The following KCMF1 variants were observed in gnomAD, a reference collection of about 807,000 sequenced individuals.
KCMF1 encodes E3 ubiquitin-protein ligase KCMF1.
KCMF1 carries 3 observed loss-of-function variants against 41.1 expected under a neutral mutation model. The observed-to-expected ratio is 0.07, with a 90% CI of 0.03 to 0.19. The LOEUF (loss-of-function observed/expected upper bound fraction) is 0.19. Among genes scored for constraint, KCMF1 ranks in the 10% least tolerant of loss-of-function variants. The pLI, the probability that KCMF1 is intolerant of heterozygous loss-of-function variation, is 1.00. For synonymous variants in KCMF1, 142 were observed against 164.5 expected, an observed-to-expected ratio of 0.86 and a Z score of 1.04; for missense variants, 286 against 488.9, an observed-to-expected ratio of 0.58 and a Z score of 3.91.
chr2:85,030,090 A>T (rs1188124816), intron 2 of KCMF1, among the ~76,000 whole-genome samples: 1 of 152,128 alleles, frequency 6.6e-6, no homozygotes, highest in Non-Finnish European at 1.5e-5. Context: ...ATTTCTCTGA[A>T]ATATAAATTA....
At chr2:85,001,218 C>T (rs752294806) in intron 1 of KCMF1, among the ~76,000 whole-genome samples, 2 of 151,772 alleles carry the variant, frequency 1.3e-5, no homozygotes, top group Non-Finnish European at 2.9e-5. Flanking sequence ...AGTGCAGTGG[C>T]GTGATCTTGG....
At chr2:85,024,780 G>A (rs1378158240) in intron 1 of KCMF1, among the ~76,000 whole-genome samples, 1 of 152,014 alleles carries the variant, frequency 6.6e-6, no homozygotes, top group East Asian at 1.9e-4. Context: ...ATCCAATTCT[G>A]TTTTCCCCAC....
At chr2:85,042,736 G>A (rs1426782951) in intron 3 of KCMF1, among the ~76,000 whole-genome samples, 1 of 152,132 alleles carries the variant, frequency 6.6e-6, no homozygotes, top group Non-Finnish European at 1.5e-5. Flanking sequence ...GGAAGAGTAA[G>A]GGCCTTTCCT....
chr2:85,002,334 G>A (rs975218646), intron 1 of KCMF1, among the ~76,000 whole-genome samples: 16 of 152,128 alleles, frequency 1.1e-4, no homozygotes, highest in African/African-American at 3.6e-4. Context: ...TGACCATAAC[G>A]CATGCATTGA....
At chr2:84,977,786 A>G (rs1673587803) in intron 1 of KCMF1, among the ~76,000 whole-genome samples, 1 of 152,080 alleles carries the variant, frequency 6.6e-6, no homozygotes, top group African/African-American at 2.4e-5. Flanking sequence ...ATATATAAGA[A>G]TGTAAATTTA....
chr2:85,040,085 C>T (rs1298325103), intron 3 of KCMF1, among the ~76,000 whole-genome samples: 1 of 151,992 alleles, frequency 6.6e-6, no homozygotes, highest in African/African-American at 2.4e-5. Context: ...CAAAGTGCTG[C>T]GATTGTAGGC....
At chr2:84,997,956 A>C (rs559917283) in intron 1 of KCMF1, among the ~76,000 whole-genome samples, 3 of 150,688 alleles carry the variant, frequency 2.0e-5, no homozygotes, top group Admixed American at 6.6e-5. Flanking sequence ...TATTTTTAGT[A>C]GAGACAGGGT....
At chr2:85,022,875 C>A (rs532218854) in intron 1 of KCMF1, among the ~76,000 whole-genome samples, 12 of 146,542 alleles carry the variant, frequency 8.2e-5, no homozygotes, top group African/African-American at 3.0e-4. Context: ...CAACTTTATA[C>A]TGTATGTATT....
At position 85,057,847 on chromosome 2, in the gene KCMF1, A is replaced by T. The variant is rs1186010045; in HGVS notation, c.*4438A>T. 6.6e-6 allele frequency: 1 copy of T among 152,228 alleles called. No homozygotes were observed. The highest frequency in any genetic ancestry group is 1.5e-5 in the Non-Finnish European group (1 of 68,042). 9.4% of individuals were successfully genotyped at this position (152,228 alleles called of 1,614,324 possible). On this transcript the variant is annotated 3_prime_UTR_variant, in exon 7 of 7. Coordinates refer to ENST00000409785, the MANE Select transcript of KCMF1 (RefSeq NM_020122.5). ...AAGACGATTCGTCTCAGAGAAGTTG[A>T]TCCTGAACCTCCACGTCACATTTTA... is the stretch of plus-strand genomic sequence containing the variant.
intron 3 of KCMF1, among the ~76,000 whole-genome samples, chr2:85,040,487 C>T (rs1675502006): frequency 6.6e-6 from 1 of 152,204 alleles, no homozygotes; most frequent in African/African-American, 2.4e-5. Flanking sequence ...TCCATTTCTC[C>T]TGCCCCGCTT....
chr2:85,010,625 AT>A (rs1674629255), intron 1 of KCMF1, among the ~76,000 whole-genome samples: 1 of 152,172 alleles, frequency 6.6e-6, no homozygotes, highest in Non-Finnish European at 1.5e-5. Flanking sequence ...TTTTAGTTTA[AT>A]TTTAGCAGAT....
rs116824238 is a variant in KCMF1 at position 85,048,650 on chromosome 2, A to T, written c.602-716A>T. 9.8e-3 allele frequency among the ~76,000 whole-genome samples: 1,487 copies of T among 152,322 alleles called. 26 individuals are homozygous for T. The highest frequency in any genetic ancestry group is 0.034 in the African/African-American group (1,396 of 41,568). On this transcript the variant is annotated intron_variant, in intron 5 of 6. Transcript: ENST00000409785. The stretch of plus-strand genomic sequence containing the variant: ...GATGAGGATGCGGGGACAAAAGTTT[A>T]CACCTCTCTTAATGAGTACAGCCTT...
intron 1 of KCMF1, among the ~76,000 whole-genome samples, chr2:84,978,864 C>T (rs1022945593): frequency 1.3e-5 from 2 of 152,012 alleles, no homozygotes; most frequent in Admixed American, 1.3e-4. Flanking sequence ...TACAGGCATG[C>T]GCCACCATGT....
intron 5 of KCMF1, among the ~76,000 whole-genome samples, chr2:85,047,053 A>G (rs1235789335): frequency 4.6e-5 from 7 of 152,176 alleles, no homozygotes; most frequent in Non-Finnish European, 1.5e-5. Flanking sequence ...CATAGTATGT[A>G]TAGGGTTCTG....
chr2:85,015,932 G>A (rs1674758313), intron 1 of KCMF1, among the ~76,000 whole-genome samples: 1 of 152,148 alleles, frequency 6.6e-6, no homozygotes, highest in Non-Finnish European at 1.5e-5. Context: ...TTTGTTCACT[G>A]CTGTATCTTG....
At chr2:85,021,512 C>T (rs1250135783) in intron 1 of KCMF1, among the ~76,000 whole-genome samples, 2 of 151,814 alleles carry the variant, frequency 1.3e-5, no homozygotes, top group Non-Finnish European at 2.9e-5. Flanking sequence ...GTCCCAGCTG[C>T]TCGGGAGGCT....
chr2:84,989,805 G>A (rs1407813374), intron 1 of KCMF1, among the ~76,000 whole-genome samples: 1 of 152,208 alleles, frequency 6.6e-6, no homozygotes, highest in Non-Finnish European at 1.5e-5. Flanking sequence ...GGCATGTTAG[G>A]TTTGAGGTGC....
intron 1 of KCMF1, among the ~76,000 whole-genome samples, chr2:84,985,597 C>T (rs758244089): frequency 6.6e-6 from 1 of 151,478 alleles, no homozygotes; most frequent in Non-Finnish European, 1.5e-5. Flanking sequence ...TTGGGAAGCC[C>T]AGGCAGGCGG....
intron 1 of KCMF1, among the ~76,000 whole-genome samples, chr2:85,010,532 T>G (rs1382434894): frequency 6.6e-6 from 1 of 152,234 alleles, no homozygotes; most frequent in Non-Finnish European, 1.5e-5. Flanking sequence ...CAAATGTCAT[T>G]GTCCGGTGCA....
Sources: allele counts gnomAD v4.1 joint callset (sites outside exome capture counted in the v4.1 genomes callset), GRCh38; gene constraint gnomAD v4.1.1; transcripts MANE v1.5; gene names NCBI Gene and HGNC (gene_info 2026-07-23, HGNC 2026-07-21).